KPNA5: variants seen among roughly 807,000 people sequenced by gnomAD.
KPNA5 encodes the protein karyopherin subunit alpha 5.
KPNA5 carries 46 observed loss-of-function variants against 71.3 expected under a neutral mutation model. The ratio of observed to expected loss-of-function variants is 0.65; its 90% CI spans 0.51 to 0.83. The LOEUF is 0.83. Ranked by LOEUF, KPNA5 falls within the 40% of genes least tolerant of loss-of-function variation. The probability of loss-of-function intolerance (pLI) is 0.00; values close to 1 mark genes in which losing one functional copy is unlikely to be tolerated. For missense variants in KPNA5, 547 were observed against 628.3 expected (o/e 0.87, Z 1.38); for synonymous variants, 207 against 201.4 (o/e 1.03, Z -0.24).
intron 12 of KPNA5, among the ~76,000 whole-genome samples, chr6:116,727,453 C>T (rs1227531298): frequency 6.6e-6 from 1 of 152,016 alleles, no homozygotes. Flanking sequence ...TTAGTAACAT[C>T]ATAGCAATTA....
In KPNA5 at chr6:116,736,946, C is replaced by G. The variant is rs1779691274; in HGVS notation, c.*4623C>G. Reference sequence around the variant, plus strand: ...TTTTTTATCATACTCAAGCTTTCCTCTGCTGGCTTGAACACAGCAAGTATA... The same window carrying G: ...TTTTTTATCATACTCAAGCTTTCCTGTGCTGGCTTGAACACAGCAAGTATA... On this transcript the variant is annotated 3_prime_UTR_variant, in exon 14 of 14. Coordinates refer to ENST00000368564, the MANE Select transcript of KPNA5 (RefSeq NM_001366306.2). 6.6e-6 allele frequency: 1 copy of G among 151,908 alleles called. No homozygotes were observed. Among genetic ancestry groups the G allele is most frequent in the Non-Finnish European group, 1.5e-5 (1 of 67,912 alleles). The allele number at this position is 151,908 out of a possible 1,614,324, so 9.4% of individuals were successfully genotyped here.
At chr6:116,701,781 T>A (rs1778239372) in intron 5 of KPNA5, among the ~76,000 whole-genome samples, 1 of 152,200 alleles carries the variant, frequency 6.6e-6, no homozygotes, top group African/African-American at 2.4e-5. Flanking sequence ...TTTCATTATA[T>A]TTTTCTCAGT....
chr6:116,696,151 G>A (rs981295421), intron 4 of KPNA5, among the ~76,000 whole-genome samples: 2 of 152,002 alleles, frequency 1.3e-5, no homozygotes, highest in East Asian at 3.9e-4. Flanking sequence ...TTCTGTTTCC[G>A]TTAAACTGTA....
In KPNA5 at chr6:116,733,845, G is replaced by T. The variant is rs760190402; in HGVS notation, c.*1522G>T. 3 of 151,542 alleles carry T rather than the reference G, an allele frequency of 2.0e-5. No individual in the cohort carries two copies. The highest frequency in any genetic ancestry group is 7.3e-5 in the African/African-American group (3 of 41,350). 9.4% of individuals were successfully genotyped at this position (151,542 alleles called of 1,614,324 possible). ...GTAATGTTTCTGCTGGAAATCAGAGGCACGTTCCAAGAGGAAAATGTATAT... is the reference window on the plus strand; with the variant it reads ...GTAATGTTTCTGCTGGAAATCAGAGTCACGTTCCAAGAGGAAAATGTATAT... On this transcript the variant is annotated 3_prime_UTR_variant, in exon 14 of 14. Transcript: ENST00000368564.
rs1779663989 is a variant in KPNA5 at position 116,736,247 on chromosome 6, T to C, written c.*3924T>C. 1 of 151,922 alleles carries C rather than the reference T, an allele frequency of 6.6e-6. No homozygotes were observed. Among genetic ancestry groups the C allele is most frequent in the Non-Finnish European group, 1.5e-5 (1 of 67,894 alleles). 9.4% of individuals were successfully genotyped at this position (151,922 alleles called of 1,614,324 possible). Reference sequence around the variant, plus strand: ...ATATGGATATATGGTACAACATGGATGAACATTGAAAACATTAGGCTAAGT... The same window carrying C: ...ATATGGATATATGGTACAACATGGACGAACATTGAAAACATTAGGCTAAGT... On this transcript the variant is annotated 3_prime_UTR_variant, in exon 14 of 14. Transcript: ENST00000368564.
intron 13 of KPNA5, among the ~76,000 whole-genome samples, chr6:116,731,628 C>G (rs1239846113): frequency 6.6e-6 from 1 of 151,874 alleles, no homozygotes; most frequent in East Asian, 1.9e-4. Context: ...TTTTAAACCG[C>G]ACAACAGCCA....
intron 8 of KPNA5, among the ~76,000 whole-genome samples, chr6:116,717,418 AT>A (rs1318903719): frequency 1.3e-5 from 2 of 152,216 alleles, no homozygotes; most frequent in South Asian, 4.1e-4. Context: ...TAGAAGTCAC[AT>A]TTTTTTATGA....
At chr6:116,710,893 ATTT>A (rs67301038) in intron 7 of KPNA5, among the ~76,000 whole-genome samples, 1,173 of 86,658 alleles carry the variant, frequency 0.014, 33 homozygotes, top group South Asian at 0.052. Context: ...ATATATATAT[ATTT>A]TTTTTTTTTT....
At position 116,729,680 on chromosome 6, in the gene KPNA5, A is replaced by G. The variant is rs1384574173; in HGVS notation, c.1371A>G (p.Gln457=). Residue 457 remains glutamine (Q), a synonymous_variant, in exon 13 of 14, where the codon CAA becomes CAG. Transcript: ENST00000368564. The stretch of plus-strand genomic sequence containing the variant: ...AAAATATTTTACGTCTTGGAGAACA[A>G]GAATCTAAGCAGAATGGAATAGGCA... The part of the protein sequence containing the change: ...GLENILRLGE[Q]ESKQNGIGIN... 2 of 1,611,022 alleles carry G rather than the reference A, an allele frequency of 1.2e-6. No individual in the cohort carries two copies.
chr6:116,693,289 T>C (rs1777881856), intron 4 of KPNA5, among the ~76,000 whole-genome samples: 2 of 152,210 alleles, frequency 1.3e-5, no homozygotes, highest in African/African-American at 4.8e-5. Context: ...TTTCTAGTTC[T>C]AGATCCCTGA....
intron 13 of KPNA5, 132 bp from the exon 14 acceptor site, chr6:116,732,004 G>A (rs1329282710): frequency 5.2e-6 from 1 of 193,962 alleles, no homozygotes; most frequent in African/African-American, 2.4e-5. Flanking sequence ...CCCGTTGCCA[G>A]TGAGGTGATA....
rs956308962 is a variant in KPNA5, at chr6:116,734,505, A to G, written c.*2182A>G. ...TACAGTTTTATTTATTTCCTTAAAT[A>G]TATTACTTGGGTAATTAATTTTAGA... On this transcript the variant is annotated 3_prime_UTR_variant, in exon 14 of 14. Coordinates refer to ENST00000368564, the MANE Select transcript of KPNA5 (RefSeq NM_001366306.2). 1.3e-5 allele frequency: 2 copies of G among 151,802 alleles called. No homozygotes were observed. The highest frequency in any genetic ancestry group is 3.0e-5 in the Non-Finnish European group (2 of 67,786). 9.4% of individuals were successfully genotyped at this position (151,802 alleles called of 1,614,324 possible).
chr6:116,714,444 C>T (rs921338240), intron 7 of KPNA5, among the ~76,000 whole-genome samples: 10 of 152,192 alleles, frequency 6.6e-5, no homozygotes, highest in African/African-American at 2.4e-4. Flanking sequence ...AGGCTGATTA[C>T]AGCTATGACT....
chr6:116,730,321 A>C (rs1010155193), intron 13 of KPNA5, among the ~76,000 whole-genome samples: 1 of 151,864 alleles, frequency 6.6e-6, no homozygotes, highest in Admixed American at 6.6e-5. Flanking sequence ...TCCTGGCCTC[A>C]AGTGATCCAG....
In KPNA5 at chr6:116,736,092, A is replaced by T. The variant is rs952677978; in HGVS notation, c.*3769A>T. 1.3e-5 allele frequency: 2 copies of T among 151,844 alleles called. No homozygotes were observed. Among genetic ancestry groups the T allele is most frequent in the Non-Finnish European group, 2.9e-5 (2 of 67,842 alleles). The allele number at this position is 151,844 out of a possible 1,614,324, so 9.4% of individuals were successfully genotyped here. On this transcript the variant is annotated 3_prime_UTR_variant, in exon 14 of 14. Coordinates refer to ENST00000368564, the MANE Select transcript of KPNA5 (RefSeq NM_001366306.2). ...CAGAGCAAGGAATATTTATTGCTGG[A>T]GATAAAGAGGGTCATTTGATAAAGG...
In KPNA5 at chr6:116,710,203, G is replaced by A. The variant is rs547871568; in HGVS notation, c.656+5043G>A. ...TTGTATCTTGAAGCTTCCTTGCATT[G>A]CTTGGTTAAATGCCATGTGGTCATA... On this transcript the variant is annotated intron_variant, in intron 7 of 13. Coordinates refer to ENST00000368564, the MANE Select transcript of KPNA5 (RefSeq NM_001366306.2). 7.9e-5 allele frequency among the ~76,000 whole-genome samples: 12 copies of A among 152,132 alleles called. No individual in the cohort carries two copies. The South Asian group carries it at 2.5e-3, about 32-fold the overall frequency.
chr6:116,681,528 T>G, intron 1 of KPNA5, 190 bp downstream of exon 1: 2 of 1,348,964 alleles, frequency 1.5e-6, no homozygotes, highest in Non-Finnish European at 1.9e-6. Flanking sequence ...CAGCCGGACC[T>G]TTCCCTTGCG....
intron 7 of KPNA5, among the ~76,000 whole-genome samples, chr6:116,708,842 G>T (rs1778544006): frequency 6.6e-6 from 1 of 152,174 alleles, no homozygotes; most frequent in African/African-American, 2.4e-5. Flanking sequence ...CTGGAGTGCA[G>T]TGGCATAATC....
chr6:116,732,098 A>ACC (rs751220135), intron 13 of KPNA5, 38 bp from the exon 14 acceptor site: 4 of 163,988 alleles, frequency 2.4e-5, no homozygotes, highest in Admixed American at 1.5e-4. Context: ...ATATATATAT[A>ACC]TATATATATA....
Sources: allele counts gnomAD v4.1 joint callset (sites outside exome capture counted in the v4.1 genomes callset), GRCh38; gene constraint gnomAD v4.1.1; transcripts MANE v1.5; gene names NCBI Gene and HGNC (gene_info 2026-07-23, HGNC 2026-07-21).